Variants in COG7 observed in about 807,000 individuals in gnomAD.
COG7 encodes the protein conserved oligomeric Golgi complex subunit 7.
COG7 carries 49 observed loss-of-function variants against 91.5 expected under a neutral mutation model. The observed-to-expected ratio is 0.54, with a 90% confidence interval of 0.43 to 0.68. The LOEUF (loss-of-function observed/expected upper bound fraction) is 0.68. Ranked by LOEUF, COG7 falls within the 30% of genes least tolerant of loss-of-function variation. The pLI is 0.00. For synonymous variants in COG7, 365 were observed against 388.7 expected (o/e 0.94, Z 0.72); for missense variants, 895 against 961.3 (o/e 0.93, Z 0.91).
intron 1 of COG7, 187 bp downstream of exon 1, chr16:23,452,639 T>G: frequency 7.2e-7 from 1 of 1,380,674 alleles, no homozygotes; most frequent in South Asian, 1.5e-5. Flanking sequence ...TAGCAAGTGT[T>G]CAAGACAGCC....
chr16:23,425,972 T>C (rs1367675520), intron 6 of COG7, among the ~76,000 whole-genome samples: 1 of 151,642 alleles, frequency 6.6e-6, no homozygotes, highest in Non-Finnish European at 1.5e-5. Context: ...CCAGCACTTT[T>C]GGAGGCCTAG....
rs755626244 is a variant in COG7 at position 23,434,729 on chromosome 16, T to C, written c.605-11A>G. On this transcript the variant is annotated splice_polypyrimidine_tract_variant and intron_variant, in intron 4 of 16. Transcript: ENST00000307149. Reference sequence around the variant, plus strand: ...ACACTTTGGACTGATCTAAAGAACATACAATGTATATATACTGTTACCAGC... The same window carrying C: ...ACACTTTGGACTGATCTAAAGAACACACAATGTATATATACTGTTACCAGC... The C allele has an allele frequency of 6.3e-7, 1 of 1,585,100 alleles. No homozygotes were observed. The highest frequency in any genetic ancestry group is 8.7e-7 in the Non-Finnish European group (1 of 1,153,708).
Position 23,416,750 on chromosome 16 carries a change from T to A in COG7, c.1292+217A>T, listed in dbSNP as rs574881720. 2.6e-4 allele frequency: 156 copies of A among 602,732 alleles called. 2 individuals carry two copies. The South Asian group carries it at 3.1e-3, about 12-fold the overall frequency. The allele number at this position is 602,732 out of a possible 1,614,324, so 37.3% of individuals were successfully genotyped here. Reference sequence around the variant, plus strand: ...GTTTCCCTCATATGAATATGTCACATCTTAAGTAACCTTCCCTAATGGGTA... The same window carrying A: ...GTTTCCCTCATATGAATATGTCACAACTTAAGTAACCTTCCCTAATGGGTA... On this transcript the variant is annotated intron_variant, in intron 9 of 16. Coordinates refer to ENST00000307149, the MANE Select transcript of COG7 (RefSeq NM_153603.4).
At position 23,389,084 on chromosome 16, in the gene COG7, A is replaced by G. The variant is rs1481235569; in HGVS notation, c.2149T>C (p.Tyr717His). 1 of 1,613,756 alleles carries G rather than the reference A, an allele frequency of 6.2e-7. No individual in the cohort carries two copies. Among genetic ancestry groups the G allele is most frequent in the East Asian group, 2.2e-5 (1 of 44,886 alleles). ...AGGGCATCCATCACGTTGATCAGAT[A>G]GTCTGTGGGGGCGGAGAGGAGACAG... ...SAKQLATDID[Y>H]LINVMDALGL... Residue 717 changes from tyrosine (Y) to histidine (H), a missense_variant and splice_region_variant, in exon 17 of 17, where the codon TAT (tyrosine) becomes CAT (histidine). Coordinates refer to ENST00000307149, the MANE Select transcript of COG7 (RefSeq NM_153603.4).
At chr16:23,433,095 G>GT (rs1332603395) in intron 6 of COG7, among the ~76,000 whole-genome samples, 2 of 152,050 alleles carry the variant, frequency 1.3e-5, no homozygotes, top group Non-Finnish European at 2.9e-5. Context: ...ACTGGTTATC[G>GT]TTTTTTCTTT....
chr16:23,422,525 T>C (rs1963775194), intron 7 of COG7, among the ~76,000 whole-genome samples: 1 of 149,202 alleles, frequency 6.7e-6, no homozygotes, highest in Non-Finnish European at 1.5e-5. Context: ...TAATATGTTA[T>C]GTATTTATTA....
At chr16:23,405,182 G>GA (rs1240055587) in intron 12 of COG7, among the ~76,000 whole-genome samples, 1 of 152,056 alleles carries the variant, frequency 6.6e-6, no homozygotes, top group Admixed American at 6.5e-5. Flanking sequence ...AGAGTTTAAA[G>GA]AAAAAAACCA....
At chr16:23,424,615 C>A in intron 7 of COG7, 134 bp downstream of exon 7, 2 of 925,602 alleles carry the variant, frequency 2.2e-6, no homozygotes, top group Non-Finnish European at 3.5e-6. Context: ...TCCACATCTG[C>A]TGAGAAGGAA....
intron 16 of COG7, 21 bp downstream of exon 16, chr16:23,392,359 G>A (rs776217196): frequency 2.0e-5 from 33 of 1,613,828 alleles, no homozygotes; most frequent in East Asian, 4.5e-5. Context: ...CCCTCCCACC[G>A]CCTGTCTTGT....
At chr16:23,405,586 A>G (rs1422579295) in intron 12 of COG7, among the ~76,000 whole-genome samples, 1 of 146,410 alleles carries the variant, frequency 6.8e-6, no homozygotes, top group Non-Finnish European at 1.5e-5. Context: ...GCACAATATT[A>G]GCTCACTGTA....
chr16:23,410,484 A>G (rs561923976), intron 10 of COG7, 124 bp from the exon 11 acceptor site: 1 of 810,362 alleles, frequency 1.2e-6, no homozygotes, highest in South Asian at 1.4e-5. Flanking sequence ...GTTCTGGGAA[A>G]GCCGTTAAAC....
At chr16:23,449,341 C>T (rs995106216) in intron 1 of COG7, among the ~76,000 whole-genome samples, 4 of 146,672 alleles carry the variant, frequency 2.7e-5, no homozygotes, top group Non-Finnish European at 4.4e-5. Context: ...CCAGCCTGGG[C>T]GACAGAGCGA....
At chr16:23,450,651 G>A (rs145870937) in intron 1 of COG7, among the ~76,000 whole-genome samples, 57 of 151,702 alleles carry the variant, frequency 3.8e-4, no homozygotes, top group African/African-American at 1.4e-3. Flanking sequence ...AACATAGTGA[G>A]ACCCCATCTC....
At chr16:23,447,354 T>C (rs1455785898) in intron 1 of COG7, 1 of 151,614 alleles carries the variant, frequency 6.6e-6, no homozygotes, top group Non-Finnish European at 1.5e-5. Context: ...GGGATTACAG[T>C]TGTGCACCAC....
At chr16:23,449,751 CAAAA>C (rs59806724) in intron 1 of COG7, among the ~76,000 whole-genome samples, 1 of 92,912 alleles carries the variant, frequency 1.1e-5, no homozygotes, top group Admixed American at 1.2e-4. Flanking sequence ...AACTCCATCT[CAAAA>C]AAAAAAAAAA....
intron 1 of COG7, 54 bp downstream of exon 1, chr16:23,452,772 C>T: frequency 1.9e-6 from 3 of 1,567,082 alleles, no homozygotes; most frequent in Non-Finnish European, 2.6e-6. Context: ...TCGGTGACCT[C>T]TGCCCAGCCG....
intron 11 of COG7, among the ~76,000 whole-genome samples, chr16:23,408,458 G>C (rs1281279521): frequency 1.5e-5 from 2 of 133,310 alleles, no homozygotes; most frequent in Non-Finnish European, 3.3e-5. Flanking sequence ...GTGGCGGGGG[G>C]AGGTGGGGCA....
intron 6 of COG7, among the ~76,000 whole-genome samples, chr16:23,429,337 A>G (rs1963897796): frequency 6.6e-6 from 1 of 151,916 alleles, no homozygotes; most frequent in South Asian, 2.1e-4. Flanking sequence ...TTGACCCTGC[A>G]ATTCCACTCC....
rs139712699 is a variant in COG7 at position 23,404,197 on chromosome 16, A to G, written c.1663-363T>C. ...GGAGGTGGGAAAGAGGGGGGAAACAAGATCAGAAGCTTCACATATAAATCA... is the reference window on the plus strand; with the variant it reads ...GGAGGTGGGAAAGAGGGGGGAAACAGGATCAGAAGCTTCACATATAAATCA... On this transcript the variant is annotated intron_variant, in intron 12 of 16. Transcript: ENST00000307149. 1.9e-3 allele frequency among the ~76,000 whole-genome samples: 293 copies of G among 152,346 alleles called. 2 individuals carry two copies. Among genetic ancestry groups the G allele is most frequent in the African/African-American group, 6.6e-3 (274 of 41,574 alleles).
Sources: gnomAD v4.1 joint callset for allele counts (sites outside exome capture counted in the v4.1 genomes callset) on GRCh38, gnomAD v4.1.1 for gene constraint, MANE v1.5 for transcripts, NCBI Gene and HGNC (gene_info 2026-07-23, HGNC 2026-07-21) for gene names.